The following GRIN3A variants were observed in gnomAD, a reference collection of about 807,000 sequenced individuals.
The protein encoded by GRIN3A is glutamate receptor ionotropic, NMDA 3A.
Under a neutral mutation model 92.4 loss-of-function variants are expected in GRIN3A, and 47 were observed. The observed-to-expected ratio is 0.51, with a 90% CI of 0.40 to 0.65. The LOEUF (loss-of-function observed/expected upper bound fraction) is 0.65, where lower values mean the gene tolerates loss of function less well. Among genes scored for constraint, GRIN3A ranks in the 30% least tolerant of loss-of-function variants. GRIN3A has a pLI of 0.00. For missense variants in GRIN3A, 1,324 were observed against 1,393.1 expected (o/e 0.95, Z 0.79); for synonymous variants, 527 against 540.6 (o/e 0.97, Z 0.35).
chr9:101,572,710 G>C lies in GRIN3A; in HGVS notation c.*464C>G, dbSNP rs1233887286. On this transcript the variant is annotated 3_prime_UTR_variant, in exon 9 of 9. Coordinates refer to ENST00000361820, the MANE Select transcript of GRIN3A (RefSeq NM_133445.3). ...TTACCTGCTCCCCATTCAGAATGTAGGAATAAATCTAGATCGGGGAGTTGT... is the reference window on the plus strand; with the variant it reads ...TTACCTGCTCCCCATTCAGAATGTACGAATAAATCTAGATCGGGGAGTTGT... 5.3e-6 allele frequency: 1 copy of C among 188,372 alleles called. No individual in the cohort carries two copies. Among genetic ancestry groups the C allele is most frequent in the African/African-American group, 2.3e-5 (1 of 42,670 alleles). 11.7% of individuals were successfully genotyped at this position (188,372 alleles called of 1,614,324 possible). A position where few individuals can be genotyped will look rare whatever the true frequency, so the allele number is the denominator to read the frequency against.
intron 2 of GRIN3A, among the ~76,000 whole-genome samples, chr9:101,679,287 A>T (rs1318475222): frequency 6.6e-6 from 1 of 152,164 alleles, no homozygotes; most frequent in Non-Finnish European, 1.5e-5. Context: ...AAAGTGAAAA[A>T]GTCAACCAAG....
chr9:101,696,384 G>A (rs1476522541), intron 1 of GRIN3A, among the ~76,000 whole-genome samples: 2 of 152,184 alleles, frequency 1.3e-5, no homozygotes, highest in African/African-American at 4.8e-5. Flanking sequence ...TCTGCAGTAG[G>A]ATGTTAAAGC....
At chr9:101,695,419 A>G (rs1271768355) in intron 1 of GRIN3A, among the ~76,000 whole-genome samples, 6 of 152,206 alleles carry the variant, frequency 3.9e-5, no homozygotes, top group Non-Finnish European at 8.8e-5. Flanking sequence ...CAGACAAGAA[A>G]TAAGGCCCCC....
chr9:101,634,115 C>T (rs1299181466), intron 3 of GRIN3A, among the ~76,000 whole-genome samples: 4 of 151,890 alleles, frequency 2.6e-5, no homozygotes, highest in African/African-American at 9.7e-5. Context: ...GGGTGGATCA[C>T]GAGGTCAGGA....
intron 3 of GRIN3A, among the ~76,000 whole-genome samples, chr9:101,663,339 C>T (rs1047460376): frequency 6.6e-6 from 1 of 152,026 alleles, no homozygotes; most frequent in African/African-American, 2.4e-5. Context: ...TAATGTTTCT[C>T]TTTCCTACTA....
intron 6 of GRIN3A, among the ~76,000 whole-genome samples, chr9:101,583,261 A>G (rs574353665): frequency 3.0e-4 from 45 of 152,298 alleles, no homozygotes; most frequent in African/African-American, 1.0e-3. Flanking sequence ...TTCTAGTTGA[A>G]TCTTCACTAT....
chr9:101,659,467 C>T (rs1272780151), intron 3 of GRIN3A, among the ~76,000 whole-genome samples: 1 of 36,798 alleles, frequency 2.7e-5, no homozygotes, highest in Admixed American at 3.3e-4. Flanking sequence ...TTTATTTATA[C>T]ATAGAAAGTA....
chr9:101,612,213 A>G (rs575519422), intron 6 of GRIN3A, among the ~76,000 whole-genome samples: 52 of 152,360 alleles, frequency 3.4e-4, no homozygotes, highest in African/African-American at 1.2e-3. Context: ...TCGAGTGACA[A>G]CAGTGGAGAT....
chr9:101,707,664 G>A (rs1430224486), intron 1 of GRIN3A, among the ~76,000 whole-genome samples: 2 of 152,066 alleles, frequency 1.3e-5, no homozygotes, highest in Non-Finnish European at 2.9e-5. Flanking sequence ...TAATAACAGA[G>A]ACATTTCTAA....
intron 6 of GRIN3A, among the ~76,000 whole-genome samples, chr9:101,603,994 G>C (rs1450773196): frequency 6.6e-6 from 1 of 152,184 alleles, no homozygotes; most frequent in African/African-American, 2.4e-5. Context: ...TGCTGCCCCT[G>C]TGGCGGTGTG....
At chr9:101,716,819 G>T (rs1359595297) in intron 1 of GRIN3A, among the ~76,000 whole-genome samples, 2 of 152,164 alleles carry the variant, frequency 1.3e-5, no homozygotes, top group Non-Finnish European at 2.9e-5. Context: ...TTTAAAAAGT[G>T]AGTAAGTTGT....
intron 6 of GRIN3A, among the ~76,000 whole-genome samples, chr9:101,610,578 T>C (rs186790382): frequency 1.7e-3 from 144 of 83,520 alleles, no homozygotes; most frequent in African/African-American, 4.6e-3. Context: ...TGCATCCATC[T>C]ATCTATCTAT....
intron 1 of GRIN3A, among the ~76,000 whole-genome samples, chr9:101,731,912 T>C (rs1476590255): frequency 6.6e-6 from 1 of 152,200 alleles, no homozygotes; most frequent in Non-Finnish European, 1.5e-5. Flanking sequence ...CATTCAAACA[T>C]TCACTCAAAA....
At chr9:101,608,775 A>C (rs775279338) in intron 6 of GRIN3A, among the ~76,000 whole-genome samples, 1 of 152,208 alleles carries the variant, frequency 6.6e-6, no homozygotes, top group African/African-American at 2.4e-5. Context: ...TGGGATTCAA[A>C]TATAGAACTG....
At chr9:101,693,424 A>G (rs1006922983) in intron 1 of GRIN3A, among the ~76,000 whole-genome samples, 1 of 151,992 alleles carries the variant, frequency 6.6e-6, no homozygotes, top group East Asian at 1.9e-4. Flanking sequence ...TCTAAAAGAA[A>G]AAAAAAATAG....
intron 3 of GRIN3A, among the ~76,000 whole-genome samples, chr9:101,659,017 T>C (rs1829132816): frequency 6.6e-6 from 1 of 151,844 alleles, no homozygotes; most frequent in African/African-American, 2.4e-5. Flanking sequence ...ACTTAATTTA[T>C]TTACACTGTG....
intron 3 of GRIN3A, among the ~76,000 whole-genome samples, chr9:101,634,892 C>T (rs1828764907): frequency 6.6e-6 from 1 of 152,160 alleles, no homozygotes; most frequent in South Asian, 2.1e-4. Flanking sequence ...TCCTGGAAAA[C>T]AAGTATGTAT....
At chr9:101,705,314 G>A (rs768822019) in intron 1 of GRIN3A, among the ~76,000 whole-genome samples, 1 of 152,200 alleles carries the variant, frequency 6.6e-6, no homozygotes, top group African/African-American at 2.4e-5. Context: ...GGGCAGCGCC[G>A]CAGAGAAGGA....
At chr9:101,594,213 A>C in intron 6 of GRIN3A, 15 of 624,650 alleles carry the variant, frequency 2.4e-5, no homozygotes, top group Non-Finnish European at 2.6e-5. Context: ...TCTTCCCCCT[A>C]TAGGGTACCC....
Sources: allele counts gnomAD v4.1 joint callset (sites outside exome capture counted in the v4.1 genomes callset), GRCh38; gene constraint gnomAD v4.1.1; transcripts MANE v1.5; gene names NCBI Gene and HGNC (gene_info 2026-07-23, HGNC 2026-07-21).